Variants in VPS13C observed in about 807,000 individuals in gnomAD.
The protein encoded by VPS13C is intermembrane lipid transfer protein VPS13C.
VPS13C carries 358 observed loss-of-function variants against 456.8 expected under a neutral mutation model. The observed-to-expected ratio is 0.78, with a 90% CI of 0.72 to 0.86. The LOEUF is 0.86. Ranked by LOEUF, VPS13C falls within the 40% of genes least tolerant of loss-of-function variation. The pLI, the probability that VPS13C is intolerant of heterozygous loss-of-function variation, is 0.00. For synonymous variants in VPS13C, 1,578 were observed against 1,486.7 expected (o/e 1.06, Z -1.41); for missense variants, 4,818 against 4,385.4 (o/e 1.10, Z -2.79).
At chr15:61,942,168 T>A in intron 45 of VPS13C, 101 bp from the exon 46 acceptor site, 1 of 1,048,884 alleles carries the variant, frequency 9.5e-7, no homozygotes, top group Non-Finnish European at 1.3e-6. Flanking sequence ...AAAAGTAATA[T>A]AAAAGATGTT....
At chr15:62,029,831 G>A (rs181746469) in intron 5 of VPS13C, among the ~76,000 whole-genome samples, 140 of 152,094 alleles carry the variant, frequency 9.2e-4, no homozygotes, top group Admixed American at 1.8e-3. Context: ...CAAATCAAAC[G>A]AGTGTAGAAG....
chr15:61,902,278 C>T (rs566719022), intron 66 of VPS13C, among the ~76,000 whole-genome samples: 1 of 148,200 alleles, frequency 6.7e-6, no homozygotes, highest in Non-Finnish European at 1.5e-5. Flanking sequence ...AGAAAAAAAA[C>T]GTAAAAAAAA....
intron 83 of VPS13C, among the ~76,000 whole-genome samples, chr15:61,855,403 T>C (rs1251877088): frequency 6.6e-6 from 1 of 152,194 alleles, no homozygotes; most frequent in Non-Finnish European, 1.5e-5. Context: ...TAGTCTTTCC[T>C]AGTTTGAAAA....
chr15:61,999,108 G>C (rs1345311293), intron 16 of VPS13C, among the ~76,000 whole-genome samples: 1 of 152,154 alleles, frequency 6.6e-6, no homozygotes, highest in African/African-American at 2.4e-5. Flanking sequence ...GCCAGGCACG[G>C]TGGCTCATGC....
At chr15:61,927,935 C>T (rs1272878603) in intron 51 of VPS13C, among the ~76,000 whole-genome samples, 1 of 151,516 alleles carries the variant, frequency 6.6e-6, no homozygotes, top group African/African-American at 2.4e-5. Flanking sequence ...AGCAAACTAT[C>T]GCAAGGACAA....
intron 6 of VPS13C, among the ~76,000 whole-genome samples, chr15:62,024,890 G>A (rs902520821): frequency 9.2e-5 from 14 of 151,898 alleles, no homozygotes; most frequent in Non-Finnish European, 4.4e-5. Flanking sequence ...TCACCCTCCC[G>A]GAAGTTCTTC....
Position 61,873,301 on chromosome 15 carries a change from C to T in VPS13C, c.10523G>A (p.Arg3508Gln), listed in dbSNP as rs1169734931. The change falls in exon 78 of 85, where the codon CGA (arginine) becomes CAA (glutamine). Residue 3508 changes from arginine to glutamine, a missense_variant. Transcript: ENST00000644861. ...GCTGTCTCCAAAATCTCTGGGCTGT[C>T]GACTCAACTCTTCTCTTCTTTTTTG... ...YQQKRREELS[R>Q]QPRDFGDSLA... 3 of 1,613,490 alleles carry T rather than the reference C, an allele frequency of 1.9e-6. No individual in the cohort carries two copies. The highest frequency in any genetic ancestry group is 1.3e-5 in the African/African-American group (1 of 74,822).
At chr15:61,856,248 T>C in intron 83 of VPS13C, 38 bp downstream of exon 83, 1 of 1,607,530 alleles carries the variant, frequency 6.2e-7, no homozygotes. Flanking sequence ...CTAAAAGCAA[T>C]GAACTCTTAG....
intron 46 of VPS13C, 60 bp from the exon 47 acceptor site, chr15:61,940,854 TC>T: frequency 6.6e-7 from 1 of 1,510,730 alleles, no homozygotes; most frequent in Non-Finnish European, 8.9e-7. Context: ...ATGAGGACTA[TC>T]CTATTGTGTA....
intron 47 of VPS13C, among the ~76,000 whole-genome samples, chr15:61,940,423 T>C: frequency 6.6e-6 from 1 of 152,232 alleles, no homozygotes; most frequent in East Asian, 1.9e-4. Flanking sequence ...ATTTTTTATT[T>C]ATTTATTTTT....
At chr15:62,008,952 T>C (rs1190476721) in intron 13 of VPS13C, among the ~76,000 whole-genome samples, 191 bp from the exon 14 acceptor site, 1 of 152,206 alleles carries the variant, frequency 6.6e-6, no homozygotes, top group African/African-American at 2.4e-5. Context: ...TCATCAAATT[T>C]AAGACACTAT....
At chr15:61,869,392 T>G in intron 80 of VPS13C, 108 bp downstream of exon 80, 1 of 1,255,618 alleles carries the variant, frequency 8.0e-7, no homozygotes, top group Admixed American at 2.5e-5. Context: ...AGCTTTCAAT[T>G]AGACTTTAAG....
intron 30 of VPS13C, among the ~76,000 whole-genome samples, chr15:61,965,661 TAC>T (rs1269355997): frequency 6.6e-6 from 1 of 151,962 alleles, no homozygotes; most frequent in Non-Finnish European, 1.5e-5. Flanking sequence ...TACCCATAAG[TAC>T]ATTTTGCCCC....
At chr15:62,011,837 GC>G (rs768770626) in intron 12 of VPS13C, among the ~76,000 whole-genome samples, 17 of 151,998 alleles carry the variant, frequency 1.1e-4, no homozygotes, top group Non-Finnish European at 2.1e-4. Flanking sequence ...ACAGTAGCAA[GC>G]TAAGAAGAAT....
At chr15:61,927,002 C>T in intron 52 of VPS13C, 89 bp downstream of exon 52, 1 of 1,135,410 alleles carries the variant, frequency 8.8e-7, no homozygotes. Context: ...TCTCTAAAGT[C>T]CCTGCAGAGC....
intron 82 of VPS13C, among the ~76,000 whole-genome samples, chr15:61,861,847 C>T (rs1894242688): frequency 6.6e-6 from 1 of 152,190 alleles, no homozygotes; most frequent in East Asian, 1.9e-4. Flanking sequence ...TGCCTGTAAT[C>T]CTGGCACTTT....
rs1162127445 is a variant in VPS13C at position 62,012,125 on chromosome 15, G to T, written c.865C>A (p.Pro289Thr). ...TACTTACTGTATTGATAATTTGGGG[G>T]TATATTTCCACTTGTAAGAATTTCA... is the stretch of plus-strand genomic sequence containing the variant. The part of the protein sequence containing the change: ...KNEILTSGNI[P>T]PNYQYIFQPI... The change falls in exon 12 of 85, where the codon CCC becomes ACC. Residue 289 changes from proline (P) to threonine (T), a missense_variant. Transcript: ENST00000644861. The T allele has an allele frequency of 1.3e-6, 2 of 1,535,362 alleles. No homozygotes were observed. Among genetic ancestry groups the T allele is most frequent in the Admixed American group, 1.7e-5 (1 of 58,618 alleles).
At chr15:61,933,322 A>C (rs538495299) in intron 49 of VPS13C, among the ~76,000 whole-genome samples, 1 of 152,336 alleles carries the variant, frequency 6.6e-6, no homozygotes, top group South Asian at 2.1e-4. Flanking sequence ...ACATTAGAAA[A>C]TAAGGCAGTT....
chr15:61,963,474 TA>T (rs905071031), intron 32 of VPS13C, among the ~76,000 whole-genome samples: 19 of 147,104 alleles, frequency 1.3e-4, no homozygotes, highest in East Asian at 4.0e-4. Flanking sequence ...CATATGAAGG[TA>T]AAAAAAAAAG....
Sources: allele counts gnomAD v4.1 joint callset (sites outside exome capture counted in the v4.1 genomes callset), GRCh38; gene constraint gnomAD v4.1.1; transcripts MANE v1.5; gene names NCBI Gene and HGNC (gene_info 2026-07-23, HGNC 2026-07-21).